The following NRXN3 variants were observed in gnomAD, a reference collection of about 807,000 sequenced individuals.
NRXN3 encodes the protein neurexin 3, also known as neurexin III.
In NRXN3, 32 loss-of-function variants were observed where a neutral mutation model predicts 137.6. That is an observed-to-expected ratio of 0.23 (90% confidence interval 0.18 to 0.31). The LOEUF (loss-of-function observed/expected upper bound fraction) is 0.31, where lower values mean the gene tolerates loss of function less well. NRXN3 is among the 10% of genes least tolerant of loss of function. The pLI is 1.00. For missense variants in NRXN3, 1,574 were observed against 2,062.5 expected (o/e 0.76, Z 4.59); for synonymous variants, 798 against 784.5 (o/e 1.02, Z -0.29).
chr14:79,600,383 G>A (rs1489434621), intron 16 of NRXN3, among the ~76,000 whole-genome samples: 2 of 152,114 alleles, frequency 1.3e-5, no homozygotes, highest in East Asian at 3.9e-4. Context: ...CATCCCTAAA[G>A]CCCACATGTA....
At chr14:78,743,785 C>A (rs968022093) in intron 8 of NRXN3, among the ~76,000 whole-genome samples, 2 of 152,108 alleles carry the variant, frequency 1.3e-5, no homozygotes, top group African/African-American at 2.4e-5. Flanking sequence ...ATTCCGAAGG[C>A]AATGGAGGGA....
chr14:79,185,000 A>T (rs749653418), intron 15 of NRXN3, among the ~76,000 whole-genome samples: 6 of 152,190 alleles, frequency 3.9e-5, no homozygotes, highest in Non-Finnish European at 7.3e-5. Flanking sequence ...CAAGCTTCAC[A>T]TCTCAGAATA....
At chr14:79,261,755 T>C (rs572215016) in intron 15 of NRXN3, among the ~76,000 whole-genome samples, 15 of 152,200 alleles carry the variant, frequency 9.9e-5, no homozygotes, top group Non-Finnish European at 1.5e-4. Context: ...ACATATTATC[T>C]TGGCCTCTAA....
chr14:79,259,664 G>A (rs1479323845), intron 15 of NRXN3, among the ~76,000 whole-genome samples: 1 of 141,024 alleles, frequency 7.1e-6, no homozygotes, highest in East Asian at 2.1e-4. Flanking sequence ...TAGCTATATA[G>A]TTATCTATAG....
chr14:79,235,692 C>T (rs1259431950), intron 15 of NRXN3, among the ~76,000 whole-genome samples: 2 of 152,076 alleles, frequency 1.3e-5, no homozygotes, highest in African/African-American at 4.8e-5. Context: ...AAGCATAGAT[C>T]AGGAGACAAG....
intron 16 of NRXN3, among the ~76,000 whole-genome samples, chr14:79,485,346 A>AC (rs1253881155): frequency 6.6e-6 from 1 of 150,702 alleles, no homozygotes; most frequent in Non-Finnish European, 1.5e-5. Flanking sequence ...TCTCCCCACC[A>AC]CCCCCCAACT....
chr14:78,941,805 G>T (rs145887642), intron 10 of NRXN3, among the ~76,000 whole-genome samples: 1 of 152,266 alleles, frequency 6.6e-6, no homozygotes, highest in African/African-American at 2.4e-5. Context: ...CATTATCCCC[G>T]CTGGTCTCCC....
intron 4 of NRXN3, among the ~76,000 whole-genome samples, chr14:78,615,890 T>A (rs1026609400): frequency 2.6e-5 from 4 of 152,032 alleles, no homozygotes; most frequent in African/African-American, 9.7e-5. Context: ...AGACCAGGAG[T>A]TTAAGGCTGA....
chr14:79,154,845 G>A (rs1209390699), intron 15 of NRXN3, among the ~76,000 whole-genome samples: 1 of 151,886 alleles, frequency 6.6e-6, no homozygotes, highest in Non-Finnish European at 1.5e-5. Flanking sequence ...CTTCGTATAT[G>A]TAAGTAAAAC....
intron 20 of NRXN3, among the ~76,000 whole-genome samples, chr14:79,852,610 A>G (rs1195985020): frequency 6.6e-6 from 1 of 151,880 alleles, no homozygotes; most frequent in Admixed American, 6.6e-5. Context: ...AGCAAAGCCA[A>G]AAAATAAAGA....
intron 8 of NRXN3, among the ~76,000 whole-genome samples, chr14:78,736,411 T>C (rs1287456616): frequency 6.6e-6 from 1 of 152,202 alleles, no homozygotes; most frequent in Non-Finnish European, 1.5e-5. Context: ...GGCTGGATAA[T>C]TGTAATTGTC....
At chr14:79,846,517 G>C (rs779359923) in intron 20 of NRXN3, among the ~76,000 whole-genome samples, 1 of 152,186 alleles carries the variant, frequency 6.6e-6, no homozygotes, top group Non-Finnish European at 1.5e-5. Context: ...TAAGAAGGAA[G>C]AGAGAATGGA....
intron 4 of NRXN3, among the ~76,000 whole-genome samples, chr14:78,378,060 C>A (rs1387031258): frequency 6.6e-6 from 1 of 152,086 alleles, no homozygotes; most frequent in Non-Finnish European, 1.5e-5. Flanking sequence ...AATTGAAATA[C>A]AAATTGTGTT....
intron 17 of NRXN3, among the ~76,000 whole-genome samples, chr14:79,670,501 C>T (rs1337633486): frequency 6.6e-6 from 1 of 151,998 alleles, no homozygotes; most frequent in African/African-American, 2.4e-5. Context: ...TGCATTTTCT[C>T]GCATTAAAAC....
chr14:79,196,119 T>C (rs1346502854), intron 15 of NRXN3, among the ~76,000 whole-genome samples: 1 of 152,204 alleles, frequency 6.6e-6, no homozygotes, highest in Non-Finnish European at 1.5e-5. Flanking sequence ...CAAAAGTGAC[T>C]GCATCACATT....
At chr14:78,957,186 G>T in intron 10 of NRXN3, 56 bp from the exon 11 acceptor site, 1 of 1,596,044 alleles carries the variant, frequency 6.3e-7, no homozygotes, top group African/African-American at 1.3e-5. Flanking sequence ...CAACCCTGAT[G>T]CATGAGCACT....
intron 15 of NRXN3, among the ~76,000 whole-genome samples, chr14:79,462,861 AATGTAT>A (rs1164341360): frequency 7.1e-6 from 1 of 140,852 alleles, no homozygotes; most frequent in South Asian, 2.2e-4. Flanking sequence ...ATACACAATG[AATGTAT>A]ATGTATATGT....
At chr14:78,845,670 C>G (rs961664692) in intron 10 of NRXN3, among the ~76,000 whole-genome samples, 1 of 151,918 alleles carries the variant, frequency 6.6e-6, no homozygotes, top group African/African-American at 2.4e-5. Flanking sequence ...TGTTGCTTTC[C>G]AGGTATCTTC....
chr14:78,320,383 G>A (rs2079181309), intron 4 of NRXN3, among the ~76,000 whole-genome samples: 1 of 152,210 alleles, frequency 6.6e-6, no homozygotes. Context: ...GAAGCGTGGA[G>A]TGGGCGTTAA....
Sources: gnomAD v4.1 joint callset for allele counts (sites outside exome capture counted in the v4.1 genomes callset) on GRCh38, gnomAD v4.1.1 for gene constraint, MANE v1.5 for transcripts, NCBI Gene and HGNC (gene_info 2026-07-23, HGNC 2026-07-21) for gene names.